The following SYN3 variants were observed in gnomAD, a reference collection of about 807,000 sequenced individuals.
The protein encoded by SYN3 is synapsin III.
A neutral mutation model predicts 65.8 loss-of-function variants in SYN3; 35 were observed. The observed-to-expected ratio is 0.53, with a 90% CI of 0.41 to 0.70. The LOEUF is 0.70. Among genes scored for constraint, SYN3 ranks in the 30% least tolerant of loss-of-function variants. SYN3 has a pLI of 0.00. For missense variants in SYN3, 680 were observed against 749.0 expected (o/e 0.91, Z 1.08); for synonymous variants, 270 against 292.9 (o/e 0.92, Z 0.80).
intron 6 of SYN3, among the ~76,000 whole-genome samples, chr22:32,615,145 G>A (rs2059497914): frequency 6.6e-6 from 1 of 152,152 alleles, no homozygotes. Context: ...GGTGCGAGTG[G>A]CTCATGCCTG....
intron 7 of SYN3, among the ~76,000 whole-genome samples, chr22:32,575,852 T>C (rs575373687): frequency 3.1e-4 from 47 of 151,978 alleles, no homozygotes; most frequent in African/African-American, 1.1e-3. Flanking sequence ...ATAAATAAAG[T>C]TCCCCTTCTT....
intron 1 of SYN3, chr22:33,015,366 G>T: frequency 1.9e-6 from 1 of 517,088 alleles, no homozygotes; most frequent in Non-Finnish European, 3.4e-6. Context: ...TACTGTACAG[G>T]GCGAATTTGT....
intron 4 of SYN3, among the ~76,000 whole-genome samples, chr22:32,913,928 T>A: frequency 6.6e-6 from 1 of 152,222 alleles, no homozygotes; most frequent in East Asian, 1.9e-4. Context: ...AAAGTTGTGT[T>A]TTGTGCTTTG....
At chr22:32,947,295 A>G (rs1413234972) in intron 3 of SYN3, among the ~76,000 whole-genome samples, 3 of 152,238 alleles carry the variant, frequency 2.0e-5, no homozygotes, top group Non-Finnish European at 4.4e-5. Context: ...ATCATCTATT[A>G]TCATGGCATA....
At chr22:32,880,798 A>G (rs1490282168) in intron 4 of SYN3, among the ~76,000 whole-genome samples, 2 of 152,218 alleles carry the variant, frequency 1.3e-5, no homozygotes, top group Non-Finnish European at 2.9e-5. Context: ...CTGAACTGTT[A>G]GGTACAAGTT....
chr22:32,656,278 T>G (rs369632066), intron 6 of SYN3, among the ~76,000 whole-genome samples: 9 of 152,320 alleles, frequency 5.9e-5, no homozygotes, highest in African/African-American at 2.2e-4. Flanking sequence ...CTCACTTACT[T>G]GCTGCTTGAC....
intron 1 of SYN3, among the ~76,000 whole-genome samples, chr22:33,030,136 G>A (rs1055107206): frequency 2.6e-5 from 4 of 152,174 alleles, no homozygotes; most frequent in Non-Finnish European, 5.9e-5. Flanking sequence ...CTCTGAGTTG[G>A]AGGCAGTTGG....
At chr22:32,848,544 T>C (rs1418377451) in intron 6 of SYN3, among the ~76,000 whole-genome samples, 1 of 152,160 alleles carries the variant, frequency 6.6e-6, no homozygotes, top group Non-Finnish European at 1.5e-5. Context: ...TGGGAGCTGT[T>C]TTCATTGGAA....
intron 6 of SYN3, among the ~76,000 whole-genome samples, chr22:32,706,246 C>T (rs977392019): frequency 1.3e-5 from 2 of 151,724 alleles, no homozygotes; most frequent in Admixed American, 1.3e-4. Flanking sequence ...TCAATACCTA[C>T]ATACTGAGGA....
At chr22:32,874,996 A>C (rs1441824809) in intron 4 of SYN3, among the ~76,000 whole-genome samples, 1 of 152,230 alleles carries the variant, frequency 6.6e-6, no homozygotes, top group African/African-American at 2.4e-5. Flanking sequence ...ACTATTCTGC[A>C]AGGATAAAGC....
chr22:32,739,935 C>A (rs1478207582), intron 6 of SYN3, among the ~76,000 whole-genome samples: 1 of 152,188 alleles, frequency 6.6e-6, no homozygotes, highest in Admixed American at 6.5e-5. Flanking sequence ...CTACACATGT[C>A]GGACCACTAT....
At chr22:32,813,486 TACACACACACACACACACAC>T (rs130277) in intron 6 of SYN3, among the ~76,000 whole-genome samples, 23 of 138,286 alleles carry the variant, frequency 1.7e-4, no homozygotes, top group East Asian at 6.5e-4. Flanking sequence ...TCTGAAAAGA[TACACACACACACACACACAC>T]ACACACACAC....
At chr22:32,610,868 C>CTGCCT in intron 6 of SYN3, among the ~76,000 whole-genome samples, 1 of 152,236 alleles carries the variant, frequency 6.6e-6, no homozygotes, top group Non-Finnish European at 1.5e-5. Flanking sequence ...AGGCATGAGC[C>CTGCCT]ACTGCGTCCA....
intron 6 of SYN3, among the ~76,000 whole-genome samples, chr22:32,820,233 CT>C (rs2047198430): frequency 6.7e-6 from 1 of 149,368 alleles, no homozygotes; most frequent in Admixed American, 6.7e-5. Flanking sequence ...AGCATTCCTC[CT>C]TTCTCCCCTG....
chr22:32,994,855 A>C (rs1269713290), intron 2 of SYN3, among the ~76,000 whole-genome samples: 6 of 152,222 alleles, frequency 3.9e-5, no homozygotes, highest in Non-Finnish European at 7.3e-5. Context: ...AGTAATTGCA[A>C]TTAATTGTTA....
intron 6 of SYN3, among the ~76,000 whole-genome samples, chr22:32,779,182 G>A (rs130534): frequency 8.5e-5 from 13 of 152,116 alleles, no homozygotes; most frequent in Non-Finnish European, 1.9e-4. Flanking sequence ...GCAACCAGCC[G>A]GGCATGGTGG....
intron 6 of SYN3, among the ~76,000 whole-genome samples, chr22:32,621,168 C>G (rs2059588266): frequency 1.3e-5 from 2 of 152,168 alleles, no homozygotes; most frequent in African/African-American, 4.8e-5. Context: ...ACCAGGAGAG[C>G]AGCTCCAGTC....
At chr22:32,899,383 G>A (rs2049695163) in intron 4 of SYN3, among the ~76,000 whole-genome samples, 1 of 152,146 alleles carries the variant, frequency 6.6e-6, no homozygotes, top group Non-Finnish European at 1.5e-5. Context: ...TTTGAAATGG[G>A]GTTTAGGAGA....
chr22:33,045,347 A>C lies in SYN3; in HGVS notation c.-163+12945T>G, dbSNP rs1392529245. Among the ~76,000 whole-genome samples the C allele has an allele frequency of 2.0e-5, 3 of 151,118 alleles. No individual in the cohort carries two copies. The East Asian group carries it at 5.8e-4, about 29-fold the overall frequency. On this transcript the variant is annotated intron_variant, in intron 1 of 13. Coordinates refer to ENST00000358763, the MANE Select transcript of SYN3 (RefSeq NM_003490.4). ...GACTGGGAGCCACTTGAGGATAGAA[A>C]CCTTGCCTGATTTATATTTAAATTC...
Sources: gnomAD v4.1 joint callset for allele counts (sites outside exome capture counted in the v4.1 genomes callset) on GRCh38, gnomAD v4.1.1 for gene constraint, MANE v1.5 for transcripts, NCBI Gene and HGNC (gene_info 2026-07-23, HGNC 2026-07-21) for gene names.